SNTG1: variants seen among roughly 807,000 people sequenced by gnomAD.
The protein encoded by SNTG1 is gamma-1-syntrophin.
In SNTG1, 39 loss-of-function variants were observed where a neutral mutation model predicts 74.7. The ratio of observed to expected loss-of-function variants is 0.52; its 90% CI spans 0.40 to 0.68. The LOEUF (loss-of-function observed/expected upper bound fraction) is 0.68. SNTG1 is among the 30% of genes least tolerant of loss of function. The pLI is 0.00. For missense variants in SNTG1, 685 were observed against 609.5 expected, an observed-to-expected ratio of 1.12 and a Z score of -1.30; for synonymous variants, 254 against 217.1, an observed-to-expected ratio of 1.17 and a Z score of -1.49.
At chr8:50,284,748 T>A (rs2088668369) in intron 2 of SNTG1, among the ~76,000 whole-genome samples, 1 of 152,126 alleles carries the variant, frequency 6.6e-6, no homozygotes, top group Non-Finnish European at 1.5e-5. Context: ...AATGTATTTA[T>A]TACCACTGAA....
At chr8:50,755,526 C>A (rs150800578) in intron 18 of SNTG1, among the ~76,000 whole-genome samples, 90 of 151,962 alleles carry the variant, frequency 5.9e-4, no homozygotes, top group African/African-American at 2.0e-3. Flanking sequence ...TTCTTTGTTA[C>A]TTCCATGTTT....
intron 1 of SNTG1, among the ~76,000 whole-genome samples, chr8:50,059,111 T>C (rs1820266104): frequency 6.6e-6 from 1 of 152,178 alleles, no homozygotes; most frequent in Admixed American, 6.6e-5. Context: ...TAGTATTCCA[T>C]AGTACCCATG....
intron 3 of SNTG1, among the ~76,000 whole-genome samples, chr8:50,394,776 T>C (rs1217795991): frequency 6.6e-6 from 1 of 151,956 alleles, no homozygotes; most frequent in Non-Finnish European, 1.5e-5. Flanking sequence ...TGTTCAAGTT[T>C]ACAGTTCAAT....
Position 49,984,497 on chromosome 8 carries a change from G to A in SNTG1, c.-103+72266G>A, listed in dbSNP as rs938773673. Reference sequence around the variant, plus strand: ...TGGGATTATAGGCGTGAGCCACTGCGCCCAGCCTAGATAGGGTCAAATATA... The same window carrying A: ...TGGGATTATAGGCGTGAGCCACTGCACCCAGCCTAGATAGGGTCAAATATA... On this transcript the variant is annotated intron_variant, in intron 1 of 18. Transcript: ENST00000642720. Among the ~76,000 whole-genome samples the A allele has an allele frequency of 3.3e-5, 5 of 152,014 alleles. No homozygotes were observed. In the East Asian group the frequency reaches 5.8e-4, roughly 18 times the overall value.
At chr8:50,432,881 C>T (rs1170321751) in intron 4 of SNTG1, among the ~76,000 whole-genome samples, 1 of 152,068 alleles carries the variant, frequency 6.6e-6, no homozygotes, top group African/African-American at 2.4e-5. Context: ...ACCTCCACCT[C>T]CCTGGTTCAA....
chr8:49,915,253 G>A (rs1021781430), intron 1 of SNTG1, among the ~76,000 whole-genome samples: 4 of 152,124 alleles, frequency 2.6e-5, no homozygotes, highest in Non-Finnish European at 5.9e-5. Flanking sequence ...TGCCTACTTT[G>A]TGGGATACTG....
At chr8:50,048,464 T>C (rs1819289140) in intron 1 of SNTG1, among the ~76,000 whole-genome samples, 1 of 152,186 alleles carries the variant, frequency 6.6e-6, no homozygotes, top group Non-Finnish European at 1.5e-5. Context: ...CCAAATGTGC[T>C]CCTTCACTTT....
At chr8:50,527,061 T>C (rs1585578702) in intron 9 of SNTG1, among the ~76,000 whole-genome samples, 1 of 152,160 alleles carries the variant, frequency 6.6e-6, no homozygotes, top group Non-Finnish European at 1.5e-5. Flanking sequence ...TGAAATCTTA[T>C]TGTAGTTTTA....
intron 2 of SNTG1, among the ~76,000 whole-genome samples, chr8:50,242,937 C>A (rs1586819232): frequency 6.6e-6 from 1 of 151,708 alleles, no homozygotes; most frequent in East Asian, 1.9e-4. Context: ...ATGAAATTTT[C>A]TTTGATTCAT....
At chr8:50,309,092 T>G (rs1047184030) in intron 2 of SNTG1, among the ~76,000 whole-genome samples, 4 of 152,160 alleles carry the variant, frequency 2.6e-5, no homozygotes, top group Non-Finnish European at 5.9e-5. Context: ...AAAAAAAATT[T>G]TCTAAAGCTA....
intron 2 of SNTG1, among the ~76,000 whole-genome samples, chr8:50,364,920 C>A (rs979945595): frequency 4.0e-5 from 6 of 151,856 alleles, no homozygotes; most frequent in Admixed American, 2.6e-4. Flanking sequence ...TTTTTTCAAA[C>A]AGAAAAAATC....
chr8:49,938,038 T>C (rs1808244258), intron 1 of SNTG1, among the ~76,000 whole-genome samples: 1 of 152,182 alleles, frequency 6.6e-6, no homozygotes, highest in South Asian at 2.1e-4. Flanking sequence ...CTCCCTTCCC[T>C]GGCTACAAAA....
intron 1 of SNTG1, among the ~76,000 whole-genome samples, chr8:50,096,410 G>T (rs1430312303): frequency 6.6e-6 from 1 of 152,176 alleles, no homozygotes; most frequent in Non-Finnish European, 1.5e-5. Flanking sequence ...TAGAAGTGGC[G>T]AGTATAATTG....
chr8:50,056,422 T>C (rs1368732977), intron 1 of SNTG1, among the ~76,000 whole-genome samples: 1 of 152,086 alleles, frequency 6.6e-6, no homozygotes, highest in African/African-American at 2.4e-5. Flanking sequence ...TTCTTTTATT[T>C]TTTAAAGCAA....
chr8:50,240,764 G>A (rs1270366191), intron 2 of SNTG1, among the ~76,000 whole-genome samples: 1 of 152,006 alleles, frequency 6.6e-6, no homozygotes, highest in Non-Finnish European at 1.5e-5. Context: ...CTTAAACAAA[G>A]AAAATAAGTT....
chr8:50,748,864 T>C (rs963253159), intron 17 of SNTG1, among the ~76,000 whole-genome samples: 1 of 151,984 alleles, frequency 6.6e-6, no homozygotes, highest in East Asian at 1.9e-4. Flanking sequence ...GTTTCCCACC[T>C]CTCTCCCTGT....
At chr8:50,440,474 C>G (rs1370043170) in intron 5 of SNTG1, among the ~76,000 whole-genome samples, 1 of 151,996 alleles carries the variant, frequency 6.6e-6, no homozygotes, top group African/African-American at 2.4e-5. Context: ...GTTGAATAAA[C>G]TACTGTGTTT....
chr8:50,149,030 C>T (rs370022991), intron 1 of SNTG1, among the ~76,000 whole-genome samples: 4 of 152,098 alleles, frequency 2.6e-5, no homozygotes, highest in Non-Finnish European at 4.4e-5. Context: ...GTAAAAGCGT[C>T]CCTATTTCTC....
chr8:50,351,130 T>C (rs998032536), intron 2 of SNTG1, among the ~76,000 whole-genome samples: 10 of 152,200 alleles, frequency 6.6e-5, no homozygotes, highest in Non-Finnish European at 1.5e-5. Flanking sequence ...CAGGTATTGG[T>C]GATGACTACC....
Sources: allele counts gnomAD v4.1 joint callset (sites outside exome capture counted in the v4.1 genomes callset), GRCh38; gene constraint gnomAD v4.1.1; transcripts MANE v1.5; gene names NCBI Gene and HGNC (gene_info 2026-07-23, HGNC 2026-07-21).